CFAP54: variants seen among roughly 807,000 people sequenced by gnomAD.
CFAP54 encodes the protein cilia and flagella associated protein 54.
In CFAP54, 290 loss-of-function variants were observed where a neutral mutation model predicts 370.4. The observed-to-expected ratio is 0.78, with a 90% CI of 0.71 to 0.86. The LOEUF (loss-of-function observed/expected upper bound fraction) is 0.86. Among genes scored for constraint, CFAP54 ranks in the 40% least tolerant of loss-of-function variants. The pLI, the probability that CFAP54 is intolerant of heterozygous loss-of-function variation, is 0.00. For synonymous variants in CFAP54, 1,206 were observed against 1,236.5 expected (o/e 0.98, Z 0.52); for missense variants, 3,399 against 3,528.7 (o/e 0.96, Z 0.93).
At chr12:96,549,891 A>G (rs1339279537) in intron 15 of CFAP54, among the ~76,000 whole-genome samples, 1 of 152,212 alleles carries the variant, frequency 6.6e-6, no homozygotes, top group Non-Finnish European at 1.5e-5. Flanking sequence ...TGTAAGGAGA[A>G]TTCGCAATTC....
In CFAP54 at chr12:96,860,830, T is replaced by A; in HGVS notation, c.9183T>A (p.Asp3061Glu). Residue 3061 changes from aspartate to glutamate, a missense_variant, in exon 67 of 68, where the codon GAT (aspartate) becomes GAA (glutamate). Around this residue, in one of 3 missense-constraint regions of CFAP54, gnomAD observed 2,796 missense variants for 2,869.7 expected, o/e 0.97. Transcript: ENST00000524981. ...EPTPLSEVPF[D>E]ISLPSIFNLE... The stretch of plus-strand genomic sequence containing the variant: ...ATGTTTTTCCTCAGGTCCCATTTGA[T>A]ATCTCACTGCCGTCTATATTCAATC... 2 of 1,531,104 alleles carry A rather than the reference T, an allele frequency of 1.3e-6. No homozygotes were observed. The highest frequency in any genetic ancestry group is 1.7e-6 in the Non-Finnish European group (2 of 1,145,142). The allele number at this position is 1,531,104 out of a possible 1,614,324, so 94.8% of individuals were successfully genotyped here.
intron 46 of CFAP54, among the ~76,000 whole-genome samples, chr12:96,704,352 G>T (rs1405342511): frequency 6.7e-6 from 1 of 149,052 alleles, no homozygotes; most frequent in Non-Finnish European, 1.5e-5. Flanking sequence ...GTGTGAACCC[G>T]GGAGGTGGAG....
intron 60 of CFAP54, among the ~76,000 whole-genome samples, chr12:96,781,089 T>C (rs1329930239): frequency 6.6e-6 from 1 of 152,074 alleles, no homozygotes; most frequent in East Asian, 1.9e-4. Context: ...GGGCCCTCAG[T>C]ATTGCCAGCT....
At chr12:96,752,276 C>T (rs1338743897) in intron 55 of CFAP54, among the ~76,000 whole-genome samples, 1 of 152,180 alleles carries the variant, frequency 6.6e-6, no homozygotes, top group Non-Finnish European at 1.5e-5. Flanking sequence ...AGATACCTCA[C>T]GATTTTGTAG....
At chr12:96,629,184 T>C (rs1197412108) in intron 30 of CFAP54, among the ~76,000 whole-genome samples, 1 of 152,182 alleles carries the variant, frequency 6.6e-6, no homozygotes, top group Non-Finnish European at 1.5e-5. Flanking sequence ...TTCAATCCAG[T>C]TCTGTTCCAT....
At chr12:96,737,253 G>T (rs1011795738) in intron 50 of CFAP54, among the ~76,000 whole-genome samples, 4 of 151,998 alleles carry the variant, frequency 2.6e-5, no homozygotes, top group Non-Finnish European at 4.4e-5. Context: ...TTTGGATATG[G>T]GATACTCAAC....
intron 48 of CFAP54, among the ~76,000 whole-genome samples, chr12:96,711,612 A>G (rs1957615333): frequency 6.6e-6 from 1 of 152,338 alleles, no homozygotes; most frequent in South Asian, 2.1e-4. Flanking sequence ...CTTTCTCCAA[A>G]TACCACAGAC....
chr12:96,509,556 C>A (rs933834262), intron 4 of CFAP54, among the ~76,000 whole-genome samples: 5 of 152,120 alleles, frequency 3.3e-5, no homozygotes, highest in Non-Finnish European at 7.3e-5. Flanking sequence ...TGGCTCACAC[C>A]TGTAATCCTA....
intron 56 of CFAP54, 33 bp from the exon 57 acceptor site, chr12:96,756,424 GA>G (rs761601810): frequency 1.5e-6 from 2 of 1,329,092 alleles, no homozygotes; most frequent in South Asian, 1.3e-5. Flanking sequence ...CTAGAAAAAG[GA>G]AAAACCATCT....
chr12:96,857,366 C>T (rs1195777286), intron 66 of CFAP54, among the ~76,000 whole-genome samples: 1 of 152,172 alleles, frequency 6.6e-6, no homozygotes, highest in East Asian at 1.9e-4. Flanking sequence ...AATTTAGCTT[C>T]CACTTGTAAG....
intron 49 of CFAP54, among the ~76,000 whole-genome samples, chr12:96,719,651 G>A (rs369820360): frequency 2.0e-4 from 30 of 152,324 alleles, no homozygotes; most frequent in East Asian, 9.6e-4. Context: ...CACACGCAGA[G>A]CACAGAAAAA....
rs890554723 is a variant in CFAP54, at chr12:96,527,347, T to C, written c.1260T>C (p.Asn420=). The C allele has an allele frequency of 7.2e-6, 11 of 1,535,846 alleles. No homozygotes were observed. The highest frequency in any genetic ancestry group is 5.5e-5 in the African/African-American group (4 of 73,030). ...TCTTGGAAGCTCTTTCTGATTCAAATAGGCGAATACTGCAAACTGGACCCA... is the reference window on the plus strand; with the variant it reads ...TCTTGGAAGCTCTTTCTGATTCAAACAGGCGAATACTGCAAACTGGACCCA... The part of the protein sequence containing the change: ...LAVLEALSDS[N]RRILQTGPIV... Residue 420 remains asparagine, a synonymous_variant, in exon 9 of 68, where the codon AAT becomes AAC. Coordinates refer to ENST00000524981, the MANE Select transcript of CFAP54 (RefSeq NM_001306084.2).
At chr12:96,803,531 C>T (rs1184942189) in intron 63 of CFAP54, among the ~76,000 whole-genome samples, 1 of 152,038 alleles carries the variant, frequency 6.6e-6, no homozygotes. Context: ...GGTCTGGAGG[C>T]GGCTTAGTTT....
intron 63 of CFAP54, among the ~76,000 whole-genome samples, chr12:96,805,908 G>T (rs1040514936): frequency 6.6e-6 from 1 of 151,564 alleles, no homozygotes; most frequent in East Asian, 1.9e-4. Context: ...CATGTCTTTT[G>T]TAGTAACATG....
At chr12:96,642,162 C>G (rs2136489695) in intron 32 of CFAP54, among the ~76,000 whole-genome samples, 1 of 151,984 alleles carries the variant, frequency 6.6e-6, no homozygotes, top group East Asian at 1.9e-4. Flanking sequence ...TTTTAATTCT[C>G]AAATTGCTCT....
At chr12:96,853,603 A>G (rs1326842841) in intron 66 of CFAP54, among the ~76,000 whole-genome samples, 1 of 152,160 alleles carries the variant, frequency 6.6e-6, no homozygotes, top group Non-Finnish European at 1.5e-5. Context: ...GCAAGAGGAA[A>G]ATATAGAGCA....
At chr12:96,822,478 A>G (rs1402744214) in intron 65 of CFAP54, among the ~76,000 whole-genome samples, 2 of 152,210 alleles carry the variant, frequency 1.3e-5, no homozygotes, top group African/African-American at 4.8e-5. Context: ...ATCAATTCAC[A>G]AATTCTTTTT....
At chr12:96,869,218 C>T (rs1297952314) in intron 67 of CFAP54, among the ~76,000 whole-genome samples, 5 of 151,544 alleles carry the variant, frequency 3.3e-5, no homozygotes, top group Middle Eastern at 3.2e-3. Context: ...AATTTTTGTT[C>T]GAGGAAAAAT....
intron 50 of CFAP54, among the ~76,000 whole-genome samples, chr12:96,726,393 T>C (rs1305883440): frequency 6.6e-6 from 1 of 152,216 alleles, no homozygotes; most frequent in African/African-American, 2.4e-5. Context: ...TGCTTCCTGG[T>C]TTAGTCTTGG....
Sources: allele counts gnomAD v4.1 joint callset (sites outside exome capture counted in the v4.1 genomes callset), GRCh38; gene constraint gnomAD v4.1.1; regional missense constraint gnomAD v4.1.1; transcripts MANE v1.5; gene names NCBI Gene and HGNC (gene_info 2026-07-23, HGNC 2026-07-21).